The following SENP6 variants were observed in gnomAD, a reference collection of about 807,000 sequenced individuals.
SENP6 encodes the protein SUMO specific peptidase 6, also known as sentrin-specific protease 6.
SENP6 carries 41 observed loss-of-function variants against 134.5 expected under a neutral mutation model. The observed-to-expected ratio is 0.30, with a 90% CI of 0.24 to 0.40. SENP6 has a LOEUF of 0.40. Ranked by LOEUF, SENP6 falls within the 10% of genes least tolerant of loss-of-function variation. The pLI is 1.00. For missense variants in SENP6, 1,248 were observed against 1,312.5 expected (o/e 0.95, Z 0.76); for synonymous variants, 395 against 429.8 (o/e 0.92, Z 1.00).
At chr6:75,630,931 T>C in intron 3 of SENP6, among the ~76,000 whole-genome samples, 1 of 130,196 alleles carries the variant, frequency 7.7e-6, no homozygotes, top group South Asian at 2.4e-4. Flanking sequence ...GAAGTATATC[T>C]CTGTACCGTA....
At chr6:75,695,474 C>T (rs1029455022) in intron 16 of SENP6, among the ~76,000 whole-genome samples, 5 of 152,174 alleles carry the variant, frequency 3.3e-5, no homozygotes, top group Non-Finnish European at 7.4e-5. Context: ...CCATGGCTCA[C>T]GCCTGTAATC....
intron 2 of SENP6, chr6:75,622,901 T>G: frequency 1.1e-6 from 1 of 881,454 alleles, no homozygotes; most frequent in Non-Finnish European, 1.6e-6. Flanking sequence ...GTTTTCTTTC[T>G]TTCATTTCTT....
intron 6 of SENP6, chr6:75,643,947 G>A (rs1471047878): frequency 3.9e-5 from 6 of 152,014 alleles, no homozygotes; most frequent in Admixed American, 3.9e-4. Context: ...AAAGAGAAAT[G>A]GTGTCCAGAT....
intron 3 of SENP6, 37 bp downstream of exon 3, chr6:75,623,997 A>G (rs371916884): frequency 4.0e-6 from 6 of 1,508,264 alleles, no homozygotes; most frequent in Non-Finnish European, 5.4e-6. Flanking sequence ...CTTTTACATT[A>G]TATACAAAAA....
At chr6:75,624,588 A>G (rs1464067254) in intron 3 of SENP6, among the ~76,000 whole-genome samples, 1 of 152,118 alleles carries the variant, frequency 6.6e-6, no homozygotes, top group Non-Finnish European at 1.5e-5. Flanking sequence ...GAAAACTAGT[A>G]TCTCAGTGTA....
Position 75,666,768 on chromosome 6 carries a change from A to G in SENP6, c.1051A>G (p.Ile351Val), listed in dbSNP as rs762520448. The G allele has an allele frequency of 1.6e-5, 26 of 1,610,824 alleles. No individual in the cohort carries two copies. The highest frequency in any genetic ancestry group is 3.3e-4 in the Middle Eastern group (2 of 6,070). ...DNDRTNRRES[I>V]SPQPADSACS... ...CGACAGAACTAACAGAAGAGAAAGCATATCTCCTCAGCCTGCTGATTCAGC... is the reference window on the plus strand; with the variant it reads ...CGACAGAACTAACAGAAGAGAAAGCGTATCTCCTCAGCCTGCTGATTCAGC... The change falls in exon 10 of 24, where the codon ATA (isoleucine) becomes GTA (valine). Residue 351 changes from isoleucine (I) to valine (V), a missense_variant. Physicochemically the swap from Ile to Val is conservative, Grantham distance 29. Coordinates refer to ENST00000447266, the MANE Select transcript of SENP6 (RefSeq NM_015571.4).
intron 1 of SENP6, among the ~76,000 whole-genome samples, chr6:75,617,967 G>T (rs941167236): frequency 1.3e-5 from 2 of 152,174 alleles, no homozygotes; most frequent in African/African-American, 4.8e-5. Flanking sequence ...TTTAGGGAAA[G>T]GATCACAGTG....
chr6:75,711,519 A>C (rs1775745631), intron 21 of SENP6, 103 bp downstream of exon 21: 8 of 653,600 alleles, frequency 1.2e-5, no homozygotes, highest in East Asian at 5.9e-5. Flanking sequence ...AGCAAAACTC[A>C]TAAATGCTGT....
intron 7 of SENP6, among the ~76,000 whole-genome samples, chr6:75,651,673 A>G (rs1378269515): frequency 6.6e-6 from 1 of 152,086 alleles, no homozygotes; most frequent in Admixed American, 6.5e-5. Context: ...TCAACCAGTC[A>G]TGGTAGCTGT....
At chr6:75,633,847 A>AGGTAG in intron 4 of SENP6, 121 bp downstream of exon 4, 3 of 700,250 alleles carry the variant, frequency 4.3e-6, no homozygotes, top group Non-Finnish European at 6.6e-6. Context: ...TAGGGCCAAG[A>AGGTAG]GGTAGCATGG....
At chr6:75,648,909 A>G (rs925599456) in intron 7 of SENP6, among the ~76,000 whole-genome samples, 1 of 152,184 alleles carries the variant, frequency 6.6e-6, no homozygotes, top group Non-Finnish European at 1.5e-5. Flanking sequence ...TTTGATGCCA[A>G]ATCCCACTCT....
chr6:75,622,679 C>G (rs182451653), intron 2 of SENP6: 458 of 728,014 alleles, frequency 6.3e-4, no homozygotes, highest in Non-Finnish European at 8.9e-4. Flanking sequence ...CAAAGTTCTA[C>G]CAAAACTATA....
At chr6:75,621,040 T>C (rs998366484) in intron 1 of SENP6, among the ~76,000 whole-genome samples, 3 of 152,210 alleles carry the variant, frequency 2.0e-5, no homozygotes, top group African/African-American at 7.2e-5. Flanking sequence ...AGTGTTCTGA[T>C]CTAGAGTTTT....
chr6:75,711,344 A>G lies in SENP6; in HGVS notation c.2837A>G (p.Asp946Gly). 3 of 1,613,214 alleles carry G rather than the reference A, an allele frequency of 1.9e-6. No homozygotes were observed. Among genetic ancestry groups the G allele is most frequent in the Non-Finnish European group, 2.5e-6 (3 of 1,179,392 alleles). ...DQDNQDDSSD[D>G]GFLADDNCSS... ...CTTTTATAGGATGATAGCAGTGACGATGGATTCCTCGCTGATGACAACTGC... is the reference window on the plus strand; with the variant it reads ...CTTTTATAGGATGATAGCAGTGACGGTGGATTCCTCGCTGATGACAACTGC... The change falls in exon 21 of 24, where the codon GAT becomes GGT. Residue 946 changes from aspartate (D) to glycine (G), a missense_variant. Asp to Gly is a moderately conservative substitution (Grantham distance 94, BLOSUM62 -1). This residue lies in a region of SENP6 where 386 missense variants were observed against 395.0 expected (regional missense o/e 0.98). Coordinates refer to ENST00000447266, the MANE Select transcript of SENP6 (RefSeq NM_015571.4).
At chr6:75,664,394 G>A (rs922729293) in intron 9 of SENP6, among the ~76,000 whole-genome samples, 3 of 151,754 alleles carry the variant, frequency 2.0e-5, no homozygotes, top group East Asian at 1.9e-4. Flanking sequence ...ACACACATAC[G>A]TCTGTATGTA....
chr6:75,665,178 C>T (rs987467839), intron 9 of SENP6, among the ~76,000 whole-genome samples: 3 of 151,300 alleles, frequency 2.0e-5, no homozygotes, highest in African/African-American at 7.3e-5. Flanking sequence ...CCCAGCTACT[C>T]GGGAGGCTGA....
chr6:75,697,502 T>C lies in SENP6; in HGVS notation c.2273T>C (p.Val758Ala), dbSNP rs1774737126. Residue 758 changes from valine to alanine, a missense_variant, in exon 18 of 24, where the codon GTA (valine) becomes GCA (alanine). By Grantham distance (64) the Val-to-Ala change is moderately conservative (BLOSUM62 0). Transcript: ENST00000447266. The stretch of plus-strand genomic sequence containing the variant: ...ATTTTTGAGAAGGATTTTATTTTTG[T>C]ACCCCTTAATGAAGCGTGAGTAAGA... ...VDIFEKDFIF[V>A]PLNEAAHWFL... The C allele has an allele frequency of 1.2e-6, 2 of 1,612,212 alleles. No homozygotes were observed. The highest frequency in any genetic ancestry group is 1.3e-5 in the African/African-American group (1 of 74,910).
chr6:75,662,676 T>A lies in SENP6; in HGVS notation c.697-545T>A, dbSNP rs1373429775. ...TCCAAGATAAATGTTTCTTAGCTGA[T>A]GGAAGGCATATGGTAATAGCTCAGA... On this transcript the variant is annotated intron_variant, in intron 8 of 23. Transcript: ENST00000447266. 2.6e-5 allele frequency among the ~76,000 whole-genome samples: 4 copies of A among 152,352 alleles called. No homozygotes were observed. In the South Asian group the frequency reaches 8.3e-4, roughly 32 times the overall value.
At chr6:75,638,604 ATATATATATATATATATATTTTTTTTT>A (rs1319162194) in intron 5 of SENP6, among the ~76,000 whole-genome samples, 3 of 42,826 alleles carry the variant, frequency 7.0e-5, no homozygotes, top group Non-Finnish European at 1.3e-4. Flanking sequence ...ATATATATAT[ATATATATATATATATATATTTTTTTTT>A]TTTTTTTTTT....
Sources: allele counts gnomAD v4.1 joint callset (sites outside exome capture counted in the v4.1 genomes callset), GRCh38; gene constraint gnomAD v4.1.1; regional missense constraint gnomAD v4.1.1; transcripts MANE v1.5; gene names NCBI Gene and HGNC (gene_info 2026-07-23, HGNC 2026-07-21).